Variants in CDH4 observed in about 807,000 individuals in gnomAD.
CDH4 encodes the protein cadherin 4, also known as cadherin-4.
In CDH4, 33 loss-of-function variants were observed where a neutral mutation model predicts 86.0. The ratio of observed to expected loss-of-function variants is 0.38; its 90% confidence interval spans 0.29 to 0.51. The LOEUF is 0.51. Among genes scored for constraint, CDH4 ranks in the 20% least tolerant of loss-of-function variants. The pLI is 0.86. For synonymous variants in CDH4, 555 were observed against 549.4 expected, an observed-to-expected ratio of 1.01 and a Z score of -0.14; for missense variants, 1,114 against 1,307.4, an observed-to-expected ratio of 0.85 and a Z score of 2.28.
chr20:61,779,035 A>G (rs1978391798), intron 4 of CDH4, among the ~76,000 whole-genome samples: 2 of 152,200 alleles, frequency 1.3e-5, no homozygotes, highest in African/African-American at 2.4e-5. Context: ...TAGGGCTGGT[A>G]CCTACACAGG....
chr20:61,920,492 G>A (rs559794886), intron 9 of CDH4, among the ~76,000 whole-genome samples: 1 of 151,734 alleles, frequency 6.6e-6, no homozygotes, highest in Non-Finnish European at 1.5e-5. Context: ...GTGATTGTGT[G>A]GAAGCGTGTC....
chr20:61,658,696 G>A (rs2087219123), intron 2 of CDH4, among the ~76,000 whole-genome samples: 1 of 152,182 alleles, frequency 6.6e-6, no homozygotes, highest in South Asian at 2.1e-4. Flanking sequence ...GGGGTCTGGG[G>A]CAGAGCTGTC....
At chr20:61,777,655 C>T (rs1052304129) in intron 4 of CDH4, among the ~76,000 whole-genome samples, 2 of 149,844 alleles carry the variant, frequency 1.3e-5, no homozygotes, top group Non-Finnish European at 3.0e-5. Context: ...CACGCACACA[C>T]GTGCATACAA....
intron 2 of CDH4, among the ~76,000 whole-genome samples, chr20:61,273,894 C>T (rs1600823377): frequency 7.5e-6 from 1 of 133,808 alleles, no homozygotes; most frequent in Admixed American, 7.7e-5. Context: ...GGGGGAGTAC[C>T]AAGCACCCTT....
chr20:61,658,292 G>A (rs2087214217), intron 2 of CDH4, among the ~76,000 whole-genome samples: 1 of 151,782 alleles, frequency 6.6e-6, no homozygotes, highest in Non-Finnish European at 1.5e-5. Context: ...CCGAGCTCCG[G>A]ATCTCTGTAT....
At chr20:61,556,451 G>A (rs1403276411) in intron 2 of CDH4, among the ~76,000 whole-genome samples, 1 of 152,160 alleles carries the variant, frequency 6.6e-6, no homozygotes, top group Non-Finnish European at 1.5e-5. Context: ...TGGGTGTTCT[G>A]CACACAGACT....
intron 4 of CDH4, among the ~76,000 whole-genome samples, chr20:61,827,267 T>C (rs1425317758): frequency 6.6e-6 from 1 of 152,230 alleles, no homozygotes; most frequent in African/African-American, 2.4e-5. Flanking sequence ...GTGGGAATTA[T>C]TTTAATTATT....
intron 2 of CDH4, among the ~76,000 whole-genome samples, chr20:61,677,802 T>C (rs2087461174): frequency 1.2e-5 from 1 of 82,144 alleles, no homozygotes; most frequent in Non-Finnish European, 2.4e-5. Context: ...ACATGGATGA[T>C]GGATGGAAGA....
intron 2 of CDH4, among the ~76,000 whole-genome samples, chr20:61,256,765 A>G (rs556453817): frequency 6.6e-6 from 1 of 152,228 alleles, no homozygotes; most frequent in Non-Finnish European, 1.5e-5. Context: ...GCACCTGAGC[A>G]TGCTGGGTCC....
chr20:61,668,541 TG>T (rs2145842025), intron 2 of CDH4, among the ~76,000 whole-genome samples: 1 of 152,310 alleles, frequency 6.6e-6, no homozygotes, highest in Non-Finnish European at 1.5e-5. Flanking sequence ...CTGATGGTGC[TG>T]GGTTGTCCAG....
At chr20:61,731,105 G>A (rs1260934366) in intron 2 of CDH4, among the ~76,000 whole-genome samples, 3 of 152,082 alleles carry the variant, frequency 2.0e-5, no homozygotes, top group African/African-American at 7.2e-5. Context: ...GAGATGTCCT[G>A]GGGCCCATCA....
At chr20:61,561,405 G>C (rs1011280971) in intron 2 of CDH4, among the ~76,000 whole-genome samples, 1 of 152,254 alleles carries the variant, frequency 6.6e-6, no homozygotes, top group East Asian at 1.9e-4. Flanking sequence ...GTGGGTGATT[G>C]CTCCCAGCCA....
chr20:61,479,006 G>A (rs1011297360), intron 2 of CDH4, among the ~76,000 whole-genome samples: 1 of 151,606 alleles, frequency 6.6e-6, no homozygotes, highest in Non-Finnish European at 1.5e-5. Context: ...CTGAAGGGGT[G>A]TGTGTTTGTA....
chr20:61,433,910 T>C (rs1327156599), intron 2 of CDH4, among the ~76,000 whole-genome samples: 1 of 152,170 alleles, frequency 6.6e-6, no homozygotes, highest in Non-Finnish European at 1.5e-5. Flanking sequence ...GAGCTGCAAA[T>C]GCTTGTGGAT....
At chr20:61,275,060 G>A (rs1249870170) in intron 2 of CDH4, among the ~76,000 whole-genome samples, 15 of 134,822 alleles carry the variant, frequency 1.1e-4, no homozygotes, top group East Asian at 4.7e-4. Flanking sequence ...AGTACCGTGT[G>A]CAGTTTGGGG....
chr20:61,933,155 C>T (rs369032906), intron 14 of CDH4, 31 bp downstream of exon 14: 187 of 1,605,154 alleles, frequency 1.2e-4, no homozygotes, highest in Non-Finnish European at 1.5e-4. Flanking sequence ...CGCCTCCCCA[C>T]GCGAGGCCGG....
chr20:61,509,195 A>T (rs1044551843), intron 2 of CDH4, among the ~76,000 whole-genome samples: 7 of 151,952 alleles, frequency 4.6e-5, no homozygotes, highest in Non-Finnish European at 1.0e-4. Context: ...ACGGCAGAGG[A>T]CTTGGGGCAT....
intron 2 of CDH4, among the ~76,000 whole-genome samples, chr20:61,502,105 G>A (rs1468105846): frequency 6.6e-6 from 1 of 152,046 alleles, no homozygotes; most frequent in Non-Finnish European, 1.5e-5. Context: ...GGTGGGATGA[G>A]ATAGCTAAGC....
intron 6 of CDH4, among the ~76,000 whole-genome samples, chr20:61,857,050 G>A (rs1037407154): frequency 2.6e-5 from 4 of 152,252 alleles, no homozygotes; most frequent in African/African-American, 9.6e-5. Context: ...CCCTGGGGGT[G>A]AGGGGAGCGT....
Sources: gnomAD v4.1 joint callset for allele counts (sites outside exome capture counted in the v4.1 genomes callset) on GRCh38, gnomAD v4.1.1 for gene constraint, MANE v1.5 for transcripts, NCBI Gene and HGNC (gene_info 2026-07-23, HGNC 2026-07-21) for gene names.